Variants in ABCC6 observed in about 807,000 individuals in gnomAD.
The protein encoded by ABCC6 is ATP binding cassette subfamily C member 6.
ABCC6 carries 126 observed loss-of-function variants against 169.5 expected under a neutral mutation model. The observed-to-expected ratio is 0.74, with a 90% CI of 0.64 to 0.86. The LOEUF is 0.86. ABCC6 is among the 40% of genes least tolerant of loss of function. ABCC6 has a pLI of 0.00. For missense variants in ABCC6, 1,733 were observed against 1,927.2 expected, an observed-to-expected ratio of 0.90 and a Z score of 1.89; for synonymous variants, 752 against 814.7, an observed-to-expected ratio of 0.92 and a Z score of 1.31.
At chr16:16,217,839 C>T (rs2048935333) in intron 4 of ABCC6, among the ~76,000 whole-genome samples, 4 of 152,186 alleles carry the variant, frequency 2.6e-5, no homozygotes, top group Admixed American at 2.6e-4. Context: ...CCTGTAATCC[C>T]AGCACTTTGG....
intron 17 of ABCC6, among the ~76,000 whole-genome samples, chr16:16,180,322 C>T (rs933965948): frequency 9.9e-5 from 15 of 152,140 alleles, no homozygotes; most frequent in Non-Finnish European, 1.8e-4. Context: ...AGATAGTCAT[C>T]ACCTCAAATA....
chr16:16,210,783 A>G (rs1029623510), intron 6 of ABCC6, among the ~76,000 whole-genome samples: 2 of 152,104 alleles, frequency 1.3e-5, no homozygotes, highest in African/African-American at 4.8e-5. Flanking sequence ...TCAAAGCCTG[A>G]TATTTTTCAT....
At chr16:16,152,717 C>T (rs1000603959) in intron 29 of ABCC6, among the ~76,000 whole-genome samples, 5 of 1,758 alleles carry the variant, frequency 2.8e-3, no homozygotes, top group African/African-American at 4.4e-3. Flanking sequence ...AGTGGCAGGG[C>T]GGGGCGGGGG....
In ABCC6 at chr16:16,165,758, C is replaced by A; in HGVS notation, c.3171G>T (p.Val1057=). 6.2e-7 allele frequency: 1 copy of A among 1,613,800 alleles called. No homozygotes were observed. Among genetic ancestry groups the A allele is most frequent in the Non-Finnish European group, 8.5e-7 (1 of 1,180,030 alleles). ...RFSKETDTVD[V]DIPDKLRSLL... ...GGGACCGGAGTTTGTCTGGAATGTC[C>A]ACGTCAACCGTGTCTGTCTCCTTGG... is the stretch of plus-strand genomic sequence containing the variant. The change falls in exon 23 of 31, where the codon GTG becomes GTT. Residue 1057 remains valine, a synonymous_variant. Coordinates refer to ENST00000205557, the MANE Select transcript of ABCC6 (RefSeq NM_001171.6).
chr16:16,149,593 T>G lies in ABCC6; in HGVS notation c.*540A>C. The G allele has an allele frequency of 1.7e-5, 4 of 241,234 alleles. No homozygotes were observed. The highest frequency in any genetic ancestry group is 1.7e-5 in the Non-Finnish European group (2 of 121,210). 14.9% of individuals were successfully genotyped at this position (241,234 alleles called of 1,614,324 possible). On this transcript the variant is annotated 3_prime_UTR_variant, in exon 31 of 31. Transcript: ENST00000205557. ...AGGTAAAACGGGAAATCGAGCAAGA[T>G]TGTTGTGTCAATGTCAACACCCTGG... is the stretch of plus-strand genomic sequence containing the variant.
rs373863345 is a variant in ABCC6 at position 16,165,885 on chromosome 16, C to T, written c.3044G>A (p.Arg1015Gln). Residue 1015 changes from arginine to glutamine, a missense_variant, in exon 23 of 31, where the codon CGG becomes CAG. By Grantham distance (43) the Arg-to-Gln change is conservative. Transcript: ENST00000205557. Reference sequence around the variant, plus strand: ...CCTCTGGAAGAGCAACCTGGATGCCCGGGCCCCACCTAGGAGCACCGCAGC... The same window carrying T: ...CCTCTGGAAGAGCAACCTGGATGCCTGGGCCCCACCTAGGAGCACCGCAGC... ...SMAAVLLGGA[R>Q]ASRLLFQRLL... The T allele has an allele frequency of 3.2e-5, 52 of 1,613,020 alleles. No individual in the cohort carries two copies. The highest frequency in any genetic ancestry group is 1.6e-4 in the Middle Eastern group (1 of 6,084).
At chr16:16,160,688 C>T (rs1785024395) in intron 25 of ABCC6, among the ~76,000 whole-genome samples, 1 of 146,624 alleles carries the variant, frequency 6.8e-6, no homozygotes, top group South Asian at 2.1e-4. Context: ...TGCTTGTAGT[C>T]CCAGCTAATT....
chr16:16,160,686 G>A (rs2152220607), intron 25 of ABCC6, among the ~76,000 whole-genome samples: 1 of 141,414 alleles, frequency 7.1e-6, no homozygotes, highest in Non-Finnish European at 1.5e-5. Flanking sequence ...CATGCTTGTA[G>A]TCCCAGCTAA....
chr16:16,198,449 C>T (rs2048127521), intron 9 of ABCC6, among the ~76,000 whole-genome samples: 2 of 152,236 alleles, frequency 1.3e-5, no homozygotes, highest in Admixed American at 1.3e-4. Flanking sequence ...GGTCATCTGC[C>T]CAGTGCTCAC....
intron 29 of ABCC6, among the ~76,000 whole-genome samples, chr16:16,153,642 GGGCCC>G (rs1275273707): frequency 6.6e-6 from 1 of 152,064 alleles, no homozygotes; most frequent in Admixed American, 6.5e-5. Flanking sequence ...TGGGTGAGAT[GGGCCC>G]GGCGTGGCTG....
chr16:16,211,263 T>A (rs1006525722), intron 6 of ABCC6, among the ~76,000 whole-genome samples: 1 of 151,448 alleles, frequency 6.6e-6, no homozygotes, highest in Non-Finnish European at 1.5e-5. Context: ...TAGCCGAGCA[T>A]AGTGGTGCAT....
chr16:16,215,057 G>A (rs1206483430), intron 4 of ABCC6, among the ~76,000 whole-genome samples: 2 of 152,200 alleles, frequency 1.3e-5, no homozygotes, highest in Non-Finnish European at 2.9e-5. Flanking sequence ...CTTCTTCTTT[G>A]TGCCACAAAA....
At chr16:16,215,549 C>T (rs377575500) in intron 4 of ABCC6, among the ~76,000 whole-genome samples, 5,027 of 150,468 alleles carry the variant, frequency 0.033, 102 homozygotes, top group African/African-American at 0.043. Flanking sequence ...TCTTGGCTCA[C>T]TGCACCCTCC....
chr16:16,187,235 C>A, intron 13 of ABCC6, 24 bp from the exon 14 acceptor site: 2 of 1,602,428 alleles, frequency 1.2e-6, no homozygotes, highest in South Asian at 2.2e-5. Context: ...AGCCGCAGGT[C>A]ACCCAGCAAG....
chr16:16,213,558 CTTTTTTTT>C (rs61603385), intron 5 of ABCC6, among the ~76,000 whole-genome samples: 1 of 72,386 alleles, frequency 1.4e-5, no homozygotes, highest in African/African-American at 5.1e-5. Flanking sequence ...CTTTTTCCTT[CTTTTTTTT>C]TTTTTTTTTT....
intron 10 of ABCC6, among the ~76,000 whole-genome samples, chr16:16,196,246 G>A (rs1045637497): frequency 3.3e-5 from 5 of 150,306 alleles, no homozygotes; most frequent in Non-Finnish European, 7.4e-5. Flanking sequence ...ACTATTTCAC[G>A]ACATATGAAA....
intron 15 of ABCC6, chr16:16,184,092 G>A (rs750880664): frequency 3.6e-4 from 62 of 172,892 alleles, no homozygotes; most frequent in Middle Eastern, 2.2e-3. Context: ...CCAGCTACTC[G>A]GGAGGCTGAG....
At position 16,169,835 on chromosome 16, in the gene ABCC6, G is replaced by C. The variant is rs1261137516; in HGVS notation, c.2806C>G (p.Leu936Val). Residue 936 changes from leucine to valine, a missense_variant, in exon 22 of 31, where the codon CTG becomes GTG. Leu to Val is a conservative substitution (Grantham distance 32). Coordinates refer to ENST00000205557, the MANE Select transcript of ABCC6 (RefSeq NM_001171.6). ...GTGCCCACGGCACGCAGGTAGGCCA[G>C]GTGCACTGTGGCCTTCACCTGTAGC... is the stretch of plus-strand genomic sequence containing the variant. ...QYGRVKATVHLAYLRAVGTPL... is the reference protein window; with the variant it reads ...QYGRVKATVHVAYLRAVGTPL... The C allele has an allele frequency of 1.9e-6, 3 of 1,554,954 alleles. No homozygotes were observed. Among genetic ancestry groups the C allele is most frequent in the Non-Finnish European group, 2.6e-6 (3 of 1,149,404 alleles).
chr16:16,191,503 G>A (rs961929004), intron 11 of ABCC6, among the ~76,000 whole-genome samples: 4 of 152,094 alleles, frequency 2.6e-5, no homozygotes, highest in Admixed American at 1.3e-4. Context: ...GGTGACAGAC[G>A]GACACTGGGA....
Sources: gnomAD v4.1 joint callset for allele counts (sites outside exome capture counted in the v4.1 genomes callset) on GRCh38, gnomAD v4.1.1 for gene constraint, MANE v1.5 for transcripts, NCBI Gene and HGNC (gene_info 2026-07-23, HGNC 2026-07-21) for gene names.